PPIE: variants seen among roughly 807,000 people sequenced by gnomAD.
The protein encoded by PPIE is peptidyl-prolyl cis-trans isomerase E.
PPIE carries 20 observed loss-of-function variants against 38.4 expected under a neutral mutation model. The observed-to-expected ratio is 0.52, with a 90% CI of 0.37 to 0.76. The LOEUF is 0.76. PPIE is among the 30% of genes least tolerant of loss of function. The pLI, the probability that PPIE is intolerant of heterozygous loss-of-function variation, is 0.00. For missense variants in PPIE, 322 were observed against 385.8 expected (o/e 0.83, Z 1.39); for synonymous variants, 142 against 135.7 (o/e 1.05, Z -0.32).
At chr1:39,758,619 T>A (rs912760043), downstream of PPIE, 1 of 152,012 alleles carries the variant, frequency 6.6e-6, no homozygotes, top group Non-Finnish European at 1.5e-5. Flanking sequence ...CTATGAGGAG[T>A]TGGTAGACAG....
intron 1 of PPIE, chr1:39,739,350 C>T (rs1647001701): frequency 5.6e-6 from 1 of 178,486 alleles, no homozygotes. Context: ...TGAGCTCCAG[C>T]GGGCCCCGAG....
chr1:39,762,957 G>T, intron 9 of PPIE: 2 of 1,138,034 alleles, frequency 1.8e-6, no homozygotes, highest in Non-Finnish European at 2.6e-6. Flanking sequence ...AGTTAGCGAC[G>T]TTACTGACTG....
At chr1:39,763,224 G>A in intron 9 of PPIE, 1 of 1,590,542 alleles carries the variant, frequency 6.3e-7, no homozygotes, top group Non-Finnish European at 8.6e-7. Flanking sequence ...GGGAGAAGGT[G>A]AGTCCCATCC....
At chr1:39,762,616 A>T in intron 9 of PPIE, 6 of 1,549,442 alleles carry the variant, frequency 3.9e-6, no homozygotes, top group Non-Finnish European at 5.2e-6. Flanking sequence ...TGAGAGCCAC[A>T]CCATCTAGAA....
chr1:39,748,497 G>T, intron 7 of PPIE: 1 of 188,004 alleles, frequency 5.3e-6, no homozygotes, highest in Non-Finnish European at 1.1e-5. Flanking sequence ...CAGCACTTTG[G>T]GAGGCCAAGG....
At position 39,762,921 on chromosome 1, in the gene PPIE, G is replaced by A. The variant is rs114513280; in HGVS notation, c.838-768G>A. ...GTCTACGTGTAGTGTGGCTGTATAA[G>A]GACCAGTTCCTGCAGAGCTGTGGGA... On this transcript the variant is annotated intron_variant, in intron 9 of 9. Transcript: ENST00000356511. 9.2e-4 allele frequency among the ~76,000 whole-genome samples: 140 copies of A among 152,340 alleles called. 1 individual carries two copies. The highest frequency in any genetic ancestry group is 3.2e-3 in the African/African-American group (131 of 41,564).
chr1:39,742,708 C>T lies in PPIE; in HGVS notation c.202-508C>T, dbSNP rs1647093102. 3 of 152,364 alleles carry T rather than the reference C, an allele frequency of 2.0e-5. No individual in the cohort carries two copies. The South Asian group carries it at 6.2e-4, about 31-fold the overall frequency. 9.4% of individuals were successfully genotyped at this position (152,364 alleles called of 1,614,324 possible). On this transcript the variant is annotated intron_variant, in intron 4 of 9. Transcript: ENST00000324379. Reference sequence around the variant, plus strand: ...TTGTTTTTATTATTTTTAGTTTCATCACAGTAATTTCCCAGTCAGCCTTTT... The same window carrying T: ...TTGTTTTTATTATTTTTAGTTTCATTACAGTAATTTCCCAGTCAGCCTTTT...
chr1:39,749,480 A>G (rs1351359393), intron 8 of PPIE, among the ~76,000 whole-genome samples: 2 of 152,004 alleles, frequency 1.3e-5, no homozygotes, highest in East Asian at 1.9e-4. Flanking sequence ...ATTTATAACT[A>G]TAGTTCTTAA....
chr1:39,748,298 A>G (rs1647337193), intron 7 of PPIE: 1 of 152,224 alleles, frequency 6.6e-6, no homozygotes. Context: ...CCATCACCAA[A>G]TCCAGAGTCA....
rs535491536 is a variant in PPIE at position 39,740,008 on chromosome 1, A to G, written c.32-157A>G. The G allele has an allele frequency of 5.8e-5, 34 of 584,360 alleles. No homozygotes were observed. The East Asian group carries it at 6.5e-4, about 11-fold the overall frequency. The allele number at this position is 584,360 out of a possible 1,614,324, so 36.2% of individuals were successfully genotyped here. The stretch of plus-strand genomic sequence containing the variant: ...AAGGGCGAAGAGAGGAATATTTTTC[A>G]TAAGTATGGGTGGGCAGAGATGAGA... On this transcript the variant is annotated intron_variant, in intron 1 of 9. Transcript: ENST00000324379.
In PPIE at chr1:39,740,154, CT is replaced by C; in HGVS notation, c.32-9del. ...GATCAGTGGCTCAGAAGGCCCTTGG[CT>C]TATTTGCAGGTGGACTGGCAGAGGA... On this transcript the variant is annotated splice_polypyrimidine_tract_variant and intron_variant, in intron 1 of 9. Transcript: ENST00000324379. 1 of 1,612,386 alleles carries C rather than the reference CT, an allele frequency of 6.2e-7. No homozygotes were observed. Among genetic ancestry groups the C allele is most frequent in the Non-Finnish European group, 8.5e-7 (1 of 1,178,496 alleles).
rs1647183340 is a variant in PPIE at position 39,745,571 on chromosome 1, G to A, written c.508+73G>A. 3.7e-6 allele frequency: 6 copies of A among 1,604,754 alleles called. No homozygotes were observed. In the South Asian group the frequency reaches 6.7e-5, roughly 18 times the overall value. ...AGTGAGCCTTTCCCAGGTTCTTACT[G>A]CTTCACTTCTTGTGTCCTTGATATT... is the stretch of plus-strand genomic sequence containing the variant. On this transcript the variant is annotated intron_variant, in intron 7 of 9. Transcript: ENST00000324379.
chr1:39,739,048 C>T, intron 1 of PPIE, 117 bp downstream of exon 1: 1 of 1,179,456 alleles, frequency 8.5e-7, no homozygotes, highest in Non-Finnish European at 1.1e-6. Context: ...AAGGCCGGGT[C>T]TCTGGCGGTA....
rs1466898351 is a variant in PPIE at position 39,742,094 on chromosome 1, C to CA, written c.201+174dup. On this transcript the variant is annotated intron_variant, in intron 4 of 9. Transcript: ENST00000324379. ...ATCACTTATAAAATTAGTTCTTACT[C>CA]AGACTCCTTCGCCATTTCAGAATAA... The CA allele has an allele frequency of 6.3e-6, 4 of 639,008 alleles. No individual in the cohort carries two copies. In the African/African-American group the frequency reaches 7.4e-5, roughly 12 times the overall value. The allele number at this position is 639,008 out of a possible 1,614,324, so 39.6% of individuals were successfully genotyped here. A position where few individuals can be genotyped will look rare whatever the true frequency, so the allele number is the denominator to read the frequency against.
At chr1:39,763,235 A>G in intron 9 of PPIE, 5 of 1,569,754 alleles carry the variant, frequency 3.2e-6, no homozygotes, top group Non-Finnish European at 4.4e-6. Flanking sequence ...AGTCCCATCC[A>G]TGTGCCCCTC....
At chr1:39,749,836 A>T (rs1379929127) in intron 8 of PPIE, among the ~76,000 whole-genome samples, 1 of 152,206 alleles carries the variant, frequency 6.6e-6, no homozygotes, top group African/African-American at 2.4e-5. Flanking sequence ...ACCTTTAAAA[A>T]AAATCTTCAT....
At chr1:39,745,554 T>C (rs1284629932) in intron 7 of PPIE, 56 bp downstream of exon 7, 4 of 1,610,698 alleles carry the variant, frequency 2.5e-6, no homozygotes, top group Non-Finnish European at 1.7e-6. Flanking sequence ...GCAGTGAGCC[T>C]TTCCCAGGTT....
intron 9 of PPIE, 96 bp from the exon 10 acceptor site, chr1:39,753,191 C>T (rs532336993): frequency 1.5e-5 from 24 of 1,587,506 alleles, no homozygotes; most frequent in African/African-American, 5.4e-5. Flanking sequence ...GCCCAGGTTC[C>T]GGGGTGGAAG....
Position 39,753,971 on chromosome 1 carries a change from T to C in PPIE, c.*616T>C. 2 of 985,430 alleles carry C rather than the reference T, an allele frequency of 2.0e-6. No homozygotes were observed. Among genetic ancestry groups the C allele is most frequent in the South Asian group, 9.4e-5 (2 of 21,284 alleles). 61.0% of individuals were successfully genotyped at this position (985,430 alleles called of 1,614,324 possible). A position where few individuals can be genotyped will look rare whatever the true frequency, so the allele number is the denominator to read the frequency against. ...CCGGCCTTACAGCCAGCAAGTGTAC[T>C]CTCAGTGGTTCATTTGTTTATTTGT... On this transcript the variant is annotated 3_prime_UTR_variant, in exon 10 of 10. Coordinates refer to ENST00000324379, the MANE Select transcript of PPIE (RefSeq NM_006112.4).
Sources: gnomAD v4.1 joint callset for allele counts (sites outside exome capture counted in the v4.1 genomes callset) on GRCh38, gnomAD v4.1.1 for gene constraint, MANE v1.5 for transcripts, NCBI Gene and HGNC (gene_info 2026-07-23, HGNC 2026-07-21) for gene names.